Variants in EYA4 observed in about 807,000 individuals in gnomAD.
EYA4 encodes EYA transcriptional coactivator and phosphatase 4.
EYA4 carries 31 observed loss-of-function variants against 87.9 expected under a neutral mutation model. The ratio of observed to expected loss-of-function variants is 0.35; its 90% confidence interval spans 0.27 to 0.48. The LOEUF is 0.48. Ranked by LOEUF, EYA4 falls within the 20% of genes least tolerant of loss-of-function variation. The probability of loss-of-function intolerance (pLI) is 0.99; values close to 1 mark genes in which losing one functional copy is unlikely to be tolerated. For synonymous variants in EYA4, 263 were observed against 270.6 expected, an observed-to-expected ratio of 0.97 and a Z score of 0.28; for missense variants, 678 against 761.4, an observed-to-expected ratio of 0.89 and a Z score of 1.29.
At chr6:133,257,925 A>C (rs1239252895) in intron 1 of EYA4, among the ~76,000 whole-genome samples, 1 of 152,206 alleles carries the variant, frequency 6.6e-6, no homozygotes, top group Non-Finnish European at 1.5e-5. Context: ...ATGCATTTTA[A>C]AAGAATCGGT....
chr6:133,467,362 A>G (rs746439932), intron 10 of EYA4, among the ~76,000 whole-genome samples: 3 of 152,138 alleles, frequency 2.0e-5, no homozygotes, highest in Non-Finnish European at 4.4e-5. Flanking sequence ...TGAATATAGT[A>G]TTAAGACCAC....
chr6:133,442,530 A>G (rs1219756497), intron 3 of EYA4, among the ~76,000 whole-genome samples: 2 of 152,160 alleles, frequency 1.3e-5, no homozygotes, highest in Non-Finnish European at 2.9e-5. Context: ...TTATACATGT[A>G]ACTTTGGTAA....
intron 3 of EYA4, among the ~76,000 whole-genome samples, chr6:133,437,180 A>AT (rs1223127819): frequency 2.0e-5 from 3 of 152,212 alleles, no homozygotes; most frequent in African/African-American, 7.2e-5. Flanking sequence ...TGAAATAAAC[A>AT]TCCTGGAAAG....
chr6:133,334,204 G>A (rs1428761913), intron 2 of EYA4, among the ~76,000 whole-genome samples: 2 of 152,176 alleles, frequency 1.3e-5, no homozygotes, highest in African/African-American at 4.8e-5. Flanking sequence ...ATTAGCAGAT[G>A]CATATGCTAA....
At chr6:133,268,518 A>C (rs185931520) in intron 1 of EYA4, among the ~76,000 whole-genome samples, 116 of 152,318 alleles carry the variant, frequency 7.6e-4, no homozygotes, top group African/African-American at 2.6e-3. Context: ...AAGGCCAGCC[A>C]CAGTTCAGTC....
intron 19 of EYA4, among the ~76,000 whole-genome samples, chr6:133,526,758 G>A (rs1478665142): frequency 6.6e-6 from 1 of 152,142 alleles, no homozygotes; most frequent in East Asian, 1.9e-4. Context: ...AATATCTTCT[G>A]GAGTTTGTCA....
Position 133,423,394 on chromosome 6 carries a change from A to C in EYA4, c.84-23236A>C, listed in dbSNP as rs569103084. Among the ~76,000 whole-genome samples the C allele has an allele frequency of 2.0e-5, 3 of 152,292 alleles. No homozygotes were observed. In the East Asian group the frequency reaches 5.8e-4, roughly 29 times the overall value. ...ATTTCTTTCCAAATTGGCTGTACCA[A>C]TTTACATTCCCAACAGCAGTGAGAG... On this transcript the variant is annotated intron_variant, in intron 3 of 19. Coordinates refer to ENST00000355286, the MANE Select transcript of EYA4 (RefSeq NM_004100.5).
intron 3 of EYA4, among the ~76,000 whole-genome samples, chr6:133,418,050 C>T (rs1277094764): frequency 6.6e-6 from 1 of 152,208 alleles, no homozygotes; most frequent in South Asian, 2.1e-4. Context: ...TTGCCTTAAG[C>T]TATTGGTTTC....
chr6:133,405,216 G>A (rs1788604005), intron 3 of EYA4, among the ~76,000 whole-genome samples: 1 of 151,980 alleles, frequency 6.6e-6, no homozygotes. Flanking sequence ...CATTTTATCT[G>A]TCTTCCAAGG....
chr6:133,503,990 T>A (rs1226477379), intron 13 of EYA4, among the ~76,000 whole-genome samples: 1 of 152,164 alleles, frequency 6.6e-6, no homozygotes, highest in Non-Finnish European at 1.5e-5. Context: ...TGATCTTGGC[T>A]CACTGCAACC....
intron 3 of EYA4, among the ~76,000 whole-genome samples, chr6:133,393,462 G>A (rs1396585580): frequency 6.6e-6 from 1 of 152,096 alleles, no homozygotes. Flanking sequence ...GGGAATGGTT[G>A]TGGTTTTAAA....
At chr6:133,446,866 G>T (rs532869801) in intron 4 of EYA4, 112 bp downstream of exon 4, 1 of 1,053,540 alleles carries the variant, frequency 9.5e-7, no homozygotes, top group East Asian at 2.6e-5. Flanking sequence ...ACACAAATCA[G>T]CATTATATCC....
In EYA4 at chr6:133,274,794, A is replaced by G. The variant is rs780580161; in HGVS notation, c.14A>G (p.Gln5Arg). 1.2e-6 allele frequency: 2 copies of G among 1,613,714 alleles called. No individual in the cohort carries two copies. The highest frequency in any genetic ancestry group is 1.7e-5 in the Admixed American group (1 of 59,984). ...TGAGAAAACCACATGGAAGACTCCC[A>G]GGATTTAAATGAACAATCAGTAAGT... MEDS[Q>R]DLNEQSVKKT... The change falls in exon 2 of 20, where the codon CAG becomes CGG. Residue 5 changes from glutamine (Q) to arginine (R), a missense_variant. Coordinates refer to ENST00000355286, the MANE Select transcript of EYA4 (RefSeq NM_004100.5).
chr6:133,483,704 A>G lies in EYA4; in HGVS notation c.1191+589A>G, dbSNP rs969191179. Reference sequence around the variant, plus strand: ...TTTATTTATTTATTTCATTGTTATTATTATTATTATTATTATTATTATTAT... The same window carrying G: ...TTTATTTATTTATTTCATTGTTATTGTTATTATTATTATTATTATTATTAT... On this transcript the variant is annotated intron_variant, in intron 13 of 19. Coordinates refer to ENST00000355286, the MANE Select transcript of EYA4 (RefSeq NM_004100.5). 1.9e-3 allele frequency among the ~76,000 whole-genome samples: 176 copies of G among 93,110 alleles called. 3 individuals carry two copies. Among genetic ancestry groups the G allele is most frequent in the Admixed American group, 0.014 (144 of 9,940 alleles). The allele number at this position is 93,110 out of a possible 152,430, so 61.1% of individuals were successfully genotyped here.
chr6:133,287,334 A>G (rs749719856), intron 2 of EYA4, among the ~76,000 whole-genome samples: 25 of 152,234 alleles, frequency 1.6e-4, no homozygotes, highest in Non-Finnish European at 1.6e-4. Context: ...TACACCTTCA[A>G]TGGGTCTTGA....
chr6:133,366,496 G>A (rs1208208593), intron 2 of EYA4, among the ~76,000 whole-genome samples: 1 of 152,176 alleles, frequency 6.6e-6, no homozygotes, highest in African/African-American at 2.4e-5. Context: ...ACTGGGGGCA[G>A]ATCATGCATT....
At chr6:133,261,238 T>G (rs981260393) in intron 1 of EYA4, among the ~76,000 whole-genome samples, 1 of 152,208 alleles carries the variant, frequency 6.6e-6, no homozygotes, top group Non-Finnish European at 1.5e-5. Context: ...AAATCTGAAG[T>G]AGATGTGTTG....
intron 1 of EYA4, among the ~76,000 whole-genome samples, chr6:133,266,132 T>C (rs1447438124): frequency 6.6e-6 from 1 of 152,178 alleles, no homozygotes; most frequent in Non-Finnish European, 1.5e-5. Flanking sequence ...GTGACCTCAT[T>C]TGGAAACAGG....
intron 3 of EYA4, among the ~76,000 whole-genome samples, chr6:133,410,633 T>TTTTTTTTTTTTTTTTTTTTTTTTTTG (rs1554252061): frequency 4.7e-5 from 7 of 148,714 alleles, no homozygotes; most frequent in Non-Finnish European, 1.1e-4. Flanking sequence ...ACTAAGGTCT[T>TTTTTTTTTTTTTTTTTTTTTTTTTTG]AATTCCTTCT....
Sources: allele counts gnomAD v4.1 joint callset (sites outside exome capture counted in the v4.1 genomes callset), GRCh38; gene constraint gnomAD v4.1.1; transcripts MANE v1.5; gene names NCBI Gene and HGNC (gene_info 2026-07-23, HGNC 2026-07-21).